EYA2: variants seen among roughly 807,000 people sequenced by gnomAD.
EYA2 encodes protein phosphatase EYA2.
EYA2 carries 31 observed loss-of-function variants against 69.2 expected under a neutral mutation model. The ratio of observed to expected loss-of-function variants is 0.45; its 90% CI spans 0.34 to 0.60. The LOEUF (loss-of-function observed/expected upper bound fraction) is 0.60. EYA2 is among the 20% of genes least tolerant of loss of function. The pLI is 0.02. For missense variants in EYA2, 622 were observed against 701.2 expected (o/e 0.89, Z 1.28); for synonymous variants, 257 against 279.4 (o/e 0.92, Z 0.80).
chr20:46,902,554 C>T (rs1306125937), intron 1 of EYA2, among the ~76,000 whole-genome samples: 1 of 152,250 alleles, frequency 6.6e-6, no homozygotes, highest in Admixed American at 6.5e-5. Context: ...GATGTCCAGC[C>T]TGCTCCCGTG....
intron 9 of EYA2, among the ~76,000 whole-genome samples, chr20:47,098,523 T>C (rs2032323111): frequency 6.6e-6 from 1 of 152,182 alleles, no homozygotes; most frequent in Non-Finnish European, 1.5e-5. Flanking sequence ...TGTGTGATCT[T>C]GGGTATGATT....
intron 4 of EYA2, among the ~76,000 whole-genome samples, chr20:47,005,832 C>T (rs1157912769): frequency 6.6e-6 from 1 of 152,214 alleles, no homozygotes; most frequent in Non-Finnish European, 1.5e-5. Flanking sequence ...CCATCCATGC[C>T]CACCTGCCCT....
At chr20:47,144,383 G>A (rs1418697769) in intron 10 of EYA2, among the ~76,000 whole-genome samples, 6 of 151,500 alleles carry the variant, frequency 4.0e-5, no homozygotes, top group Admixed American at 2.0e-4. Flanking sequence ...AAAAAGAAAG[G>A]CAATCTAAAA....
intron 1 of EYA2, among the ~76,000 whole-genome samples, chr20:46,942,007 T>G (rs929282536): frequency 2.6e-5 from 4 of 152,130 alleles, no homozygotes; most frequent in African/African-American, 9.7e-5. Context: ...TCCTTTTGCC[T>G]CAGCCTCCCA....
chr20:47,188,452 T>A lies in EYA2; in HGVS notation c.*319T>A, dbSNP rs763190461. Reference sequence around the variant, plus strand: ...GGGGTGCCTGGTGATGAGGAGGGGATGGGTTTGTCTTGTCTTCTTTTTAAT... The same window carrying A: ...GGGGTGCCTGGTGATGAGGAGGGGAAGGGTTTGTCTTGTCTTCTTTTTAAT... On this transcript the variant is annotated 3_prime_UTR_variant, in exon 16 of 16. Transcript: ENST00000327619. 1.4e-5 allele frequency: 8 copies of A among 551,972 alleles called. No individual in the cohort carries two copies. The highest frequency in any genetic ancestry group is 2.6e-5 in the Non-Finnish European group (8 of 311,508). The allele number at this position is 551,972 out of a possible 1,614,324, so 34.2% of individuals were successfully genotyped here. A position where few individuals can be genotyped will look rare whatever the true frequency, so the allele number is the denominator to read the frequency against.
rs200269249 is a variant in EYA2, at chr20:47,143,070, G to A, written c.900G>A (p.Thr300=). The change falls in exon 10 of 16, where the codon ACG becomes ACA. Residue 300 remains threonine, a synonymous_variant. Coordinates refer to ENST00000327619, the MANE Select transcript of EYA2 (RefSeq NM_005244.5). The part of the protein sequence containing the change: ...FASRYGKDTT[T]SVRIGLMMEE... The stretch of plus-strand genomic sequence containing the variant: ...TCTCTGCCTCGCAGGACACCACGAC[G>A]TCCGTGCGCATTGGCCTTATGATGG... 14 of 1,613,654 alleles carry A rather than the reference G, an allele frequency of 8.7e-6. No individual in the cohort carries two copies. The highest frequency in any genetic ancestry group is 6.7e-5 in the African/African-American group (5 of 75,038).
At chr20:47,116,620 G>A (rs111879582) in intron 9 of EYA2, among the ~76,000 whole-genome samples, 2,978 of 152,252 alleles carry the variant, frequency 0.02, 93 homozygotes, top group African/African-American at 0.067. Flanking sequence ...TCTGCAGTGC[G>A]TTGGGCAGTG....
At chr20:47,132,084 G>A (rs1392741512) in intron 9 of EYA2, among the ~76,000 whole-genome samples, 1 of 152,058 alleles carries the variant, frequency 6.6e-6, no homozygotes, top group African/African-American at 2.4e-5. Flanking sequence ...CTCCTGCTAG[G>A]ACTGTAGGCA....
intron 2 of EYA2, among the ~76,000 whole-genome samples, chr20:46,993,947 T>C (rs1449968264): frequency 6.6e-6 from 1 of 152,214 alleles, no homozygotes; most frequent in Admixed American, 6.5e-5. Context: ...AAACTTTACA[T>C]ATATTAATAC....
At chr20:47,015,104 G>A (rs1186016208) in intron 4 of EYA2, among the ~76,000 whole-genome samples, 2 of 152,222 alleles carry the variant, frequency 1.3e-5, no homozygotes, top group Admixed American at 6.5e-5. Context: ...CATATGCACA[G>A]AACCTGTCTG....
intron 9 of EYA2, among the ~76,000 whole-genome samples, chr20:47,139,416 C>T (rs1268930055): frequency 6.6e-6 from 1 of 152,204 alleles, no homozygotes; most frequent in African/African-American, 2.4e-5. Flanking sequence ...AAAAATGTAA[C>T]CTCCAAATTA....
At chr20:47,033,961 G>A (rs1431282340) in intron 5 of EYA2, among the ~76,000 whole-genome samples, 1 of 152,208 alleles carries the variant, frequency 6.6e-6, no homozygotes, top group Non-Finnish European at 1.5e-5. Context: ...GGCACTCAAA[G>A]TCATTGGGTC....
rs186482839 is a variant in EYA2 at position 47,184,846 on chromosome 20, C to T, written c.1536+1455C>T. On this transcript the variant is annotated intron_variant, in intron 15 of 15. Coordinates refer to ENST00000327619, the MANE Select transcript of EYA2 (RefSeq NM_005244.5). ...GCCTGGCAGGGAGGAGACGGACTTA[C>T]GAGTTTCAAACACGGTTGGTTTTCA... 3.9e-5 allele frequency among the ~76,000 whole-genome samples: 6 copies of T among 152,272 alleles called. No individual in the cohort carries two copies. The East Asian group carries it at 5.8e-4, about 15-fold the overall frequency.
chr20:46,933,073 A>G (rs1600556584), intron 1 of EYA2, among the ~76,000 whole-genome samples: 1 of 152,192 alleles, frequency 6.6e-6, no homozygotes, highest in Non-Finnish European at 1.5e-5. Context: ...TTACTGTCTC[A>G]GGTATATCTT....
At chr20:47,055,867 C>T (rs1314481643) in intron 5 of EYA2, among the ~76,000 whole-genome samples, 6 of 152,036 alleles carry the variant, frequency 3.9e-5, no homozygotes, top group East Asian at 1.9e-4. Context: ...TTTTTCACCC[C>T]GCACTGCATT....
rs1439776634 is a variant in EYA2 at position 46,907,585 on chromosome 20, C to T, written c.-11+12598C>T. Among the ~76,000 whole-genome samples the T allele has an allele frequency of 3.3e-5, 5 of 152,166 alleles. No individual in the cohort carries two copies. The East Asian group carries it at 9.6e-4, about 29-fold the overall frequency. ...CAGGCGCAGTGGCTCACACCCGTAA[C>T]CCCAGCGCTTTGGGAAGCCAAGGCA... On this transcript the variant is annotated intron_variant, in intron 1 of 15. Coordinates refer to ENST00000327619, the MANE Select transcript of EYA2 (RefSeq NM_005244.5).
chr20:46,917,366 G>C (rs1345052593), intron 1 of EYA2, among the ~76,000 whole-genome samples: 1 of 152,128 alleles, frequency 6.6e-6, no homozygotes, highest in Non-Finnish European at 1.5e-5. Flanking sequence ...GGAAACTGAG[G>C]GTCAGAGTGA....
chr20:47,172,860 C>T lies in EYA2; in HGVS notation c.1191C>T (p.Asn397=), dbSNP rs367963280. 89 of 1,611,096 alleles carry T rather than the reference C, an allele frequency of 5.5e-5. No homozygotes were observed. The highest frequency in any genetic ancestry group is 3.3e-4 in the Middle Eastern group (2 of 6,060). Reference sequence around the variant, plus strand: ...AGATGTACAATACCTACAAGAACAACGTTGGTGGTGAGTACTGTGAGCCTT... The same window carrying T: ...AGATGTACAATACCTACAAGAACAATGTTGGTGGTGAGTACTGTGAGCCTT... ...VKEMYNTYKN[N]VGGLIGTPKR... is the part of the protein sequence containing the mutation. The change falls in exon 12 of 16, where the codon AAC becomes AAT. Residue 397 remains asparagine, a synonymous_variant. Coordinates refer to ENST00000327619, the MANE Select transcript of EYA2 (RefSeq NM_005244.5).
chr20:46,961,818 A>G (rs1363266454), intron 1 of EYA2, among the ~76,000 whole-genome samples: 1 of 152,236 alleles, frequency 6.6e-6, no homozygotes, highest in Non-Finnish European at 1.5e-5. Flanking sequence ...AAGCTAAAAA[A>G]GTTAATCTCA....
Sources: allele counts gnomAD v4.1 joint callset (sites outside exome capture counted in the v4.1 genomes callset), GRCh38; gene constraint gnomAD v4.1.1; transcripts MANE v1.5; gene names NCBI Gene and HGNC (gene_info 2026-07-23, HGNC 2026-07-21).